DLG2: variants seen among roughly 807,000 people sequenced by gnomAD.
DLG2 encodes the protein disks large homolog 2.
In DLG2, 45 loss-of-function variants were observed where a neutral mutation model predicts 132.5. The observed-to-expected ratio is 0.34, with a 90% CI of 0.27 to 0.44. DLG2 has a LOEUF of 0.44. Among genes scored for constraint, DLG2 ranks in the 20% least tolerant of loss-of-function variants. The pLI, the probability that DLG2 is intolerant of heterozygous loss-of-function variation, is 1.00. For missense variants in DLG2, 1,045 were observed against 1,196.9 expected (o/e 0.87, Z 1.87); for synonymous variants, 424 against 419.6 (o/e 1.01, Z -0.13).
At chr11:84,221,771 A>G (rs1261443168) in intron 8 of DLG2, among the ~76,000 whole-genome samples, 1 of 152,166 alleles carries the variant, frequency 6.6e-6, no homozygotes, top group African/African-American at 2.4e-5. Context: ...GCTTATCCAC[A>G]GTGACTACTG....
intron 16 of DLG2, among the ~76,000 whole-genome samples, chr11:83,838,884 A>G (rs1192543102): frequency 6.6e-6 from 1 of 152,242 alleles, no homozygotes; most frequent in East Asian, 1.9e-4. Context: ...TGGGAAAATG[A>G]AAGCTTTATG....
At chr11:84,302,898 C>T (rs2098171857) in intron 7 of DLG2, among the ~76,000 whole-genome samples, 2 of 151,822 alleles carry the variant, frequency 1.3e-5, no homozygotes, top group African/African-American at 4.8e-5. Flanking sequence ...ACCAGCTTGG[C>T]CAACGTGGTC....
intron 6 of DLG2, among the ~76,000 whole-genome samples, chr11:84,825,198 G>C (rs1439476781): frequency 6.6e-6 from 1 of 151,850 alleles, no homozygotes; most frequent in East Asian, 2.0e-4. Context: ...CCAGGTGTTA[G>C]GAGACCTGAG....
intron 19 of DLG2, among the ~76,000 whole-genome samples, chr11:83,564,947 T>C (rs556456210): frequency 3.3e-5 from 5 of 152,302 alleles, no homozygotes; most frequent in African/African-American, 4.8e-5. Context: ...ACTTTATGCA[T>C]TACCTAATCC....
At chr11:85,019,391 G>C (rs1374761885) in intron 6 of DLG2, among the ~76,000 whole-genome samples, 3 of 152,104 alleles carry the variant, frequency 2.0e-5, no homozygotes, top group Admixed American at 1.3e-4. Flanking sequence ...AGAGGATCTG[G>C]TGAAAAATTT....
chr11:84,342,629 G>A (rs763585307), intron 7 of DLG2, among the ~76,000 whole-genome samples: 60 of 152,060 alleles, frequency 3.9e-4, no homozygotes, highest in Admixed American at 7.9e-4. Flanking sequence ...ATGTGGACAT[G>A]TATATAAAGC....
At chr11:83,610,645 T>C (rs1188716822) in intron 19 of DLG2, among the ~76,000 whole-genome samples, 2 of 152,148 alleles carry the variant, frequency 1.3e-5, no homozygotes, top group African/African-American at 4.8e-5. Context: ...ATGCATCATC[T>C]CATTTAATCC....
intron 19 of DLG2, among the ~76,000 whole-genome samples, chr11:83,606,654 G>C (rs1006283581): frequency 2.0e-5 from 3 of 151,480 alleles, no homozygotes; most frequent in Non-Finnish European, 2.9e-5. Context: ...AAGGCCGGGC[G>C]CGGTAGCTCA....
intron 19 of DLG2, among the ~76,000 whole-genome samples, chr11:83,563,148 T>G (rs184927330): frequency 0.011 from 1,725 of 151,912 alleles, 14 homozygotes; most frequent in Admixed American, 0.032. Context: ...CTAATTTTTT[T>G]GTATTTTTTT....
chr11:85,210,875 C>G (rs190071833), intron 4 of DLG2, among the ~76,000 whole-genome samples: 1 of 152,094 alleles, frequency 6.6e-6, no homozygotes, highest in Non-Finnish European at 1.5e-5. Flanking sequence ...ATTTCACAGG[C>G]TTCAGACCTG....
At chr11:85,043,653 T>C (rs1263846375) in intron 6 of DLG2, among the ~76,000 whole-genome samples, 1 of 151,786 alleles carries the variant, frequency 6.6e-6, no homozygotes, top group African/African-American at 2.4e-5. Context: ...TCCTTAGAAT[T>C]CCTTGCCAAC....
chr11:83,813,482 TACAATGCAGTGAC>T (rs1258821340), intron 17 of DLG2, among the ~76,000 whole-genome samples: 1 of 152,110 alleles, frequency 6.6e-6, no homozygotes, highest in Non-Finnish European at 1.5e-5. Context: ...CTTGAGTAAC[TACAATGCAGTGAC>T]ACAAGGCCTT....
chr11:84,287,366 G>T (rs1416693491), intron 7 of DLG2, among the ~76,000 whole-genome samples: 1 of 152,142 alleles, frequency 6.6e-6, no homozygotes, highest in East Asian at 1.9e-4. Context: ...ATCTAGACTA[G>T]TTGGACTGTG....
chr11:83,585,227 G>A (rs1215652629), intron 19 of DLG2, among the ~76,000 whole-genome samples: 2 of 152,166 alleles, frequency 1.3e-5, no homozygotes, highest in Non-Finnish European at 2.9e-5. Context: ...TAATATAAAT[G>A]TTGAAATAAG....
intron 5 of DLG2, among the ~76,000 whole-genome samples, chr11:85,123,486 G>C (rs950615116): frequency 6.6e-6 from 1 of 152,182 alleles, no homozygotes; most frequent in African/African-American, 2.4e-5. Context: ...TGGGGCTGTG[G>C]GAGATTTAGG....
intron 7 of DLG2, among the ~76,000 whole-genome samples, chr11:84,365,606 G>T (rs1255341991): frequency 6.6e-6 from 1 of 151,624 alleles, no homozygotes; most frequent in Admixed American, 6.6e-5. Flanking sequence ...GTGATGTTAG[G>T]GTGTCAATTT....
chr11:84,458,767 A>G (rs2099072358), intron 7 of DLG2, among the ~76,000 whole-genome samples: 1 of 150,730 alleles, frequency 6.6e-6, no homozygotes, highest in Non-Finnish European at 1.5e-5. Context: ...AGATCAGTTA[A>G]GTATGAAGTT....
chr11:83,747,239 T>C lies in DLG2; in HGVS notation c.1825+39451A>G, dbSNP rs2092973610. ...GAATAACATAAGCAATTACATTAAA[T>C]TAATATTGTAAGTTTGATTTTAATT... On this transcript the variant is annotated intron_variant, in intron 18 of 27. Coordinates refer to ENST00000376104, the MANE Select transcript of DLG2 (RefSeq NM_001142699.3). Among the ~76,000 whole-genome samples the C allele has an allele frequency of 2.6e-5, 4 of 152,244 alleles. No individual in the cohort carries two copies. The South Asian group carries it at 8.3e-4, about 32-fold the overall frequency.
At chr11:85,282,309 A>G (rs1221092439) in intron 4 of DLG2, among the ~76,000 whole-genome samples, 1 of 151,948 alleles carries the variant, frequency 6.6e-6, no homozygotes, top group Admixed American at 6.6e-5. Flanking sequence ...TAGGGCAGCT[A>G]TGATTAATAA....
Sources: gnomAD v4.1 joint callset for allele counts (sites outside exome capture counted in the v4.1 genomes callset) on GRCh38, gnomAD v4.1.1 for gene constraint, MANE v1.5 for transcripts, NCBI Gene and HGNC (gene_info 2026-07-23, HGNC 2026-07-21) for gene names.